PCLO: variants seen among roughly 807,000 people sequenced by gnomAD.
PCLO encodes piccolo presynaptic cytomatrix protein.
A neutral mutation model predicts 427.5 loss-of-function variants in PCLO; 82 were observed. The observed-to-expected ratio is 0.19, with a 90% CI of 0.16 to 0.23. The LOEUF (loss-of-function observed/expected upper bound fraction) is 0.23. Ranked by LOEUF, PCLO falls within the 10% of genes least tolerant of loss-of-function variation. The pLI is 1.00. For synonymous variants in PCLO, 2,357 were observed against 2,155.4 expected, an observed-to-expected ratio of 1.09 and a Z score of -2.59; for missense variants, 6,239 against 6,115.9, an observed-to-expected ratio of 1.02 and a Z score of -0.67.
chr7:83,034,502 A>G lies in PCLO; in HGVS notation c.3301-68015T>C, dbSNP rs552314707. 1.9e-4 allele frequency among the ~76,000 whole-genome samples: 29 copies of G among 152,364 alleles called. 1 individual carries two copies. The highest frequency in any genetic ancestry group is 7.8e-4 in the Admixed American group (12 of 15,304). On this transcript the variant is annotated intron_variant, in intron 3 of 24. Coordinates refer to ENST00000333891, the MANE Select transcript of PCLO (RefSeq NM_033026.6). ...CACGCCTGGTCCCATGCTGTTTTCTATAAAATACTTTTGCGGAAAAAAAGA... is the reference window on the plus strand; with the variant it reads ...CACGCCTGGTCCCATGCTGTTTTCTGTAAAATACTTTTGCGGAAAAAAAGA...
intron 3 of PCLO, among the ~76,000 whole-genome samples, chr7:83,031,554 T>C (rs1213854678): frequency 1.3e-5 from 2 of 152,072 alleles, no homozygotes; most frequent in South Asian, 2.1e-4. Flanking sequence ...AAAAGGGAAA[T>C]GGTAAAATTA....
At chr7:82,943,622 C>T (rs962664517) in intron 6 of PCLO, among the ~76,000 whole-genome samples, 4 of 152,084 alleles carry the variant, frequency 2.6e-5, no homozygotes, top group Admixed American at 2.6e-4. Flanking sequence ...GCATGCTACA[C>T]TAACCTTCCT....
At position 83,004,207 on chromosome 7, in the gene PCLO, A is replaced by G. The variant is rs374211140; in HGVS notation, c.3301-37720T>C. 6.9e-4 allele frequency among the ~76,000 whole-genome samples: 105 copies of G among 151,928 alleles called. 1 individual carries two copies. Among genetic ancestry groups the G allele is most frequent in the South Asian group, 6.6e-3 (32 of 4,832 alleles). On this transcript the variant is annotated intron_variant, in intron 3 of 24. Coordinates refer to ENST00000333891, the MANE Select transcript of PCLO (RefSeq NM_033026.6). ...CAAAAGATCCCAAACAGCCAAGGCA[A>G]TCTTGAGAATCAACAAAGGTATAGG...
Position 82,955,012 on chromosome 7 carries a change from TTTC to T in PCLO, c.5938_5940del (p.Glu1980del), listed in dbSNP as rs773440652. The T allele has an allele frequency of 5.0e-6, 8 of 1,613,718 alleles. No homozygotes were observed. The highest frequency in any genetic ancestry group is 2.7e-5 in the African/African-American group (2 of 74,920). ...CTTCCTTTCTGCTGCATAAATCCATTTTCTTCTTCTTGCCTTGTTAGCAGACTG... is the reference window on the plus strand; with the variant it reads ...CTTCCTTTCTGCTGCATAAATCCATTTTCTTCTTGCCTTGTTAGCAGACTG... On this transcript the variant is annotated inframe_deletion, in exon 5 of 25. Coordinates refer to ENST00000333891, the MANE Select transcript of PCLO (RefSeq NM_033026.6).
In PCLO at chr7:83,134,243, A is replaced by ATATATAT. The variant is rs1554402641; in HGVS notation, c.3300+6_3300+7insATATATA. The ATATATAT allele has an allele frequency of 7.5e-4, 816 of 1,086,970 alleles. No homozygotes were observed. Among genetic ancestry groups the ATATATAT allele is most frequent in the Non-Finnish European group, 8.3e-4 (640 of 769,610 alleles). The allele number at this position is 1,086,970 out of a possible 1,614,324, so 67.3% of individuals were successfully genotyped here. A position where few individuals can be genotyped will look rare whatever the true frequency, so the allele number is the denominator to read the frequency against. On this transcript the variant is annotated splice_region_variant and intron_variant, in intron 3 of 24. Transcript: ENST00000333891. ...AATATATATATATATATATATATAT[A>ATATATAT]ACTTACCTCAGTCAAATGTGGTGTA... is the stretch of plus-strand genomic sequence containing the variant.
chr7:82,780,515 T>A (rs1475011796), intron 22 of PCLO, among the ~76,000 whole-genome samples: 1 of 151,834 alleles, frequency 6.6e-6, no homozygotes, highest in Non-Finnish European at 1.5e-5. Flanking sequence ...AACAGCAAAA[T>A]AAGCCTCTTG....
chr7:82,947,268 T>C (rs1349657359), intron 6 of PCLO, among the ~76,000 whole-genome samples: 1 of 152,148 alleles, frequency 6.6e-6, no homozygotes, highest in African/African-American at 2.4e-5. Context: ...TACAGTGTAT[T>C]ATGTGTGTCA....
At chr7:82,995,653 A>T (rs1429326964) in intron 3 of PCLO, among the ~76,000 whole-genome samples, 2 of 151,984 alleles carry the variant, frequency 1.3e-5, no homozygotes, top group Non-Finnish European at 2.9e-5. Context: ...CTGAAAGCAG[A>T]TGGTCTTTGA....
intron 3 of PCLO, among the ~76,000 whole-genome samples, chr7:83,070,629 C>A (rs548065671): frequency 6.6e-6 from 1 of 152,108 alleles, no homozygotes; most frequent in African/African-American, 2.4e-5. Flanking sequence ...CCTTGTGATC[C>A]GCCCGCCTCG....
In PCLO at chr7:82,846,552, A is replaced by G. The variant is rs773699408; in HGVS notation, c.13831+15T>C. On this transcript the variant is annotated intron_variant, in intron 12 of 24. Coordinates refer to ENST00000333891, the MANE Select transcript of PCLO (RefSeq NM_033026.6). ...TCTCTTTATTTACAGTTGAAACTAG[A>G]TTTCTTTTACCTACCAGCTTTTGGT... 1.9e-6 allele frequency: 3 copies of G among 1,562,098 alleles called. No homozygotes were observed. The Admixed American group carries it at 5.2e-5, about 27-fold the overall frequency.
chr7:83,135,514 G>T lies in PCLO; in HGVS notation c.2036C>A (p.Pro679Gln). The T allele has an allele frequency of 1.2e-6, 2 of 1,613,708 alleles. No homozygotes were observed. Among genetic ancestry groups the T allele is most frequent in the Non-Finnish European group, 1.7e-6 (2 of 1,179,854 alleles). ...TSAVSKSSPQPQQTSPKKDAA... is the reference protein window; with the variant it reads ...TSAVSKSSPQQQQTSPKKDAA... ...ATCCTTCTTTGGGGAAGTCTGCTGT[G>T]GCTGTGGGGATGATTTGCTCACTGC... The change falls in exon 3 of 25, where the codon CCA (proline) becomes CAA (glutamine). Residue 679 changes from proline to glutamine, a missense_variant. By Grantham distance (76) the Pro-to-Gln change is moderately conservative (BLOSUM62 -1). Coordinates refer to ENST00000333891, the MANE Select transcript of PCLO (RefSeq NM_033026.6).
intron 8 of PCLO, among the ~76,000 whole-genome samples, chr7:82,903,628 A>T (rs536217111): frequency 6.6e-6 from 1 of 152,096 alleles, no homozygotes; most frequent in African/African-American, 2.4e-5. Context: ...GAAAGACAGA[A>T]ATAGTAAGAT....
intron 3 of PCLO, among the ~76,000 whole-genome samples, chr7:82,985,902 T>C (rs1457388344): frequency 1.3e-5 from 2 of 152,026 alleles, no homozygotes; most frequent in African/African-American, 4.8e-5. Context: ...TTTCGATTTT[T>C]GTAAATCTGA....
At chr7:82,769,571 CA>C (rs1790604956) in intron 22 of PCLO, among the ~76,000 whole-genome samples, 1 of 151,830 alleles carries the variant, frequency 6.6e-6, no homozygotes, top group Admixed American at 6.6e-5. Context: ...CCATTTTAGG[CA>C]AAAGTCTCTT....
intron 10 of PCLO, among the ~76,000 whole-genome samples, chr7:82,869,564 C>A (rs925341800): frequency 6.6e-6 from 1 of 151,956 alleles, no homozygotes; most frequent in African/African-American, 2.4e-5. Flanking sequence ...AGGATGGATC[C>A]ACCTACGAAA....
At chr7:82,814,292 G>A (rs573609216) in intron 20 of PCLO, among the ~76,000 whole-genome samples, 1 of 151,540 alleles carries the variant, frequency 6.6e-6, no homozygotes, top group Admixed American at 6.6e-5. Flanking sequence ...AAGGAAAGAA[G>A]GGGTTCTGAA....
rs1282239242 is a variant in PCLO, at chr7:82,953,156, T to C, written c.7797A>G (p.Gln2599=). The change falls in exon 5 of 25, where the codon CAA becomes CAG. Residue 2599 remains glutamine, a synonymous_variant. Coordinates refer to ENST00000333891, the MANE Select transcript of PCLO (RefSeq NM_033026.6). ...ATCCCAAGGGCCAACTGGTAATTGCTTGACTAGCAGAAGAATCTGTTGGAG... is the reference window on the plus strand; with the variant it reads ...ATCCCAAGGGCCAACTGGTAATTGCCTGACTAGCAGAAGAATCTGTTGGAG... ...PGTPTDSSAS[Q]AITSWPLGSP... 5.0e-6 allele frequency: 8 copies of C among 1,613,860 alleles called. No individual in the cohort carries two copies. The highest frequency in any genetic ancestry group is 1.6e-4 in the Middle Eastern group (1 of 6,084).
intron 10 of PCLO, among the ~76,000 whole-genome samples, chr7:82,852,508 A>G (rs951377138): frequency 2.0e-5 from 3 of 152,154 alleles, no homozygotes; most frequent in African/African-American, 4.8e-5. Context: ...TCAGACTCCA[A>G]GTTCTTTAGC....
intron 9 of PCLO, among the ~76,000 whole-genome samples, chr7:82,901,429 A>G (rs903071700): frequency 6.6e-6 from 1 of 152,022 alleles, no homozygotes; most frequent in African/African-American, 2.4e-5. Context: ...TTAATTCAAG[A>G]TGGATTAAAG....
Sources: gnomAD v4.1 joint callset for allele counts (sites outside exome capture counted in the v4.1 genomes callset) on GRCh38, gnomAD v4.1.1 for gene constraint, MANE v1.5 for transcripts, NCBI Gene and HGNC (gene_info 2026-07-23, HGNC 2026-07-21) for gene names.